CENPP: variants seen among roughly 807,000 people sequenced by gnomAD.
The protein encoded by CENPP is centromere protein P.
Under a neutral mutation model 35.6 loss-of-function variants are expected in CENPP, and 24 were observed. The ratio of observed to expected loss-of-function variants is 0.67; its 90% CI spans 0.49 to 0.95. The LOEUF is 0.95. Among genes scored for constraint, CENPP ranks in the 40% least tolerant of loss-of-function variants. CENPP has a pLI of 0.00. For missense variants in CENPP, 332 were observed against 345.3 expected, an observed-to-expected ratio of 0.96 and a Z score of 0.31; for synonymous variants, 120 against 125.5, an observed-to-expected ratio of 0.96 and a Z score of 0.29.
At chr9:92,574,524 A>G (rs1162255470) in intron 5 of CENPP, among the ~76,000 whole-genome samples, 1 of 152,254 alleles carries the variant, frequency 6.6e-6, no homozygotes, top group Non-Finnish European at 1.5e-5. Context: ...TTAACCAAGA[A>G]GGTGAAAGAT....
At chr9:92,564,799 TAA>T (rs1429354917) in intron 5 of CENPP, among the ~76,000 whole-genome samples, 3 of 152,326 alleles carry the variant, frequency 2.0e-5, no homozygotes, top group African/African-American at 7.2e-5. Context: ...AAGAGAATTT[TAA>T]AACTCTCCAA....
intron 5 of CENPP, among the ~76,000 whole-genome samples, chr9:92,444,777 C>T (rs955391993): frequency 2.8e-4 from 43 of 152,192 alleles, no homozygotes; most frequent in African/African-American, 8.0e-4. Context: ...GGGGAGAGGG[C>T]GTGTGCAAGC....
intron 5 of CENPP, chr9:92,482,338 T>C (rs1385965607): frequency 6.6e-6 from 1 of 152,172 alleles, no homozygotes; most frequent in Non-Finnish European, 1.5e-5. Flanking sequence ...TTATCCACCA[T>C]GTACTACTTA....
intron 5 of CENPP, among the ~76,000 whole-genome samples, chr9:92,445,539 A>G (rs1288659621): frequency 6.6e-6 from 1 of 152,064 alleles, no homozygotes; most frequent in Non-Finnish European, 1.5e-5. Context: ...AAATCAATGA[A>G]TTGTATACTT....
chr9:92,411,206 T>G (rs1047974519), intron 5 of CENPP, among the ~76,000 whole-genome samples: 2 of 152,170 alleles, frequency 1.3e-5, no homozygotes, highest in African/African-American at 4.8e-5. Context: ...TCTCCTGACC[T>G]CGTGATCTGC....
chr9:92,556,431 A>G (rs1564001873), intron 5 of CENPP, among the ~76,000 whole-genome samples: 1 of 152,034 alleles, frequency 6.6e-6, no homozygotes, highest in Non-Finnish European at 1.5e-5. Flanking sequence ...TGTAACAAGT[A>G]TGGAAATTCC....
chr9:92,496,051 G>A, intron 5 of CENPP: 1 of 1,063,858 alleles, frequency 9.4e-7, no homozygotes, highest in Non-Finnish European at 1.1e-6. Context: ...GTCTAGCTCA[G>A]TATGCATAAT....
chr9:92,421,506 C>T (rs1843793562), intron 5 of CENPP, among the ~76,000 whole-genome samples: 2 of 152,144 alleles, frequency 1.3e-5, no homozygotes, highest in South Asian at 2.1e-4. Flanking sequence ...GGTATCATAC[C>T]AAAGGGCAGT....
chr9:92,445,606 G>A lies in CENPP; in HGVS notation c.564+65747G>A, dbSNP rs761181959. Reference sequence around the variant, plus strand: ...TACCTCAATAAAGCTGTTATTGGCCGGGCGTGGTAGCTCACGCCTGTAATC... The same window carrying A: ...TACCTCAATAAAGCTGTTATTGGCCAGGCGTGGTAGCTCACGCCTGTAATC... On this transcript the variant is annotated intron_variant, in intron 5 of 7. Transcript: ENST00000375587. 5.3e-4 allele frequency among the ~76,000 whole-genome samples: 81 copies of A among 152,052 alleles called. 1 individual carries two copies. The highest frequency in any genetic ancestry group is 2.8e-4 in the Non-Finnish European group (19 of 68,004).
intron 5 of CENPP, chr9:92,522,641 T>C (rs1848149037): frequency 6.2e-7 from 1 of 1,613,956 alleles, no homozygotes; most frequent in Non-Finnish European, 8.5e-7. Context: ...TTTTCCTCCA[T>C]GCTATAATCA....
At chr9:92,469,286 A>C (rs909616046) in intron 5 of CENPP, among the ~76,000 whole-genome samples, 2 of 152,192 alleles carry the variant, frequency 1.3e-5, no homozygotes, top group East Asian at 1.9e-4. Context: ...AGCTGCCTGC[A>C]CACTTTGAAA....
Position 92,361,440 on chromosome 9 carries a change from CTTATTTTATTTTATTTTATTTTATT to C in CENPP, c.467+15686_467+15710del, listed in dbSNP as rs200322873. ...ACAGGCATGAGCCACCGTACCTGGC[CTTATTTTATTTTATTTTATTTTATT>C]TTATTTTATTTTATTTTATTTTATT... is the stretch of plus-strand genomic sequence containing the variant. On this transcript the variant is annotated intron_variant, in intron 4 of 7. Coordinates refer to ENST00000375587, the MANE Select transcript of CENPP (RefSeq NM_001012267.3). 2.4e-3 allele frequency among the ~76,000 whole-genome samples: 266 copies of C among 111,746 alleles called. 1 individual carries two copies. Among genetic ancestry groups the C allele is most frequent in the Middle Eastern group, 4.3e-3 (1 of 230 alleles). The allele number at this position is 111,746 out of a possible 152,430, so 73.3% of individuals were successfully genotyped here.
chr9:92,546,974 A>T (rs1849475912), intron 5 of CENPP, among the ~76,000 whole-genome samples: 1 of 152,172 alleles, frequency 6.6e-6, no homozygotes, highest in Admixed American at 6.6e-5. Flanking sequence ...ACTGACAGGG[A>T]CGTCAGAAGG....
chr9:92,579,559 A>C (rs1850367826), intron 5 of CENPP, among the ~76,000 whole-genome samples: 1 of 152,034 alleles, frequency 6.6e-6, no homozygotes, highest in African/African-American at 2.4e-5. Flanking sequence ...TTTTCTTTGA[A>C]GCAATTGTGA....
At chr9:92,423,803 C>G (rs565413252) in intron 5 of CENPP, among the ~76,000 whole-genome samples, 194 of 152,214 alleles carry the variant, frequency 1.3e-3, no homozygotes, top group Admixed American at 2.6e-3. Context: ...CATCAACCCC[C>G]CAACCGGAAT....
rs1851387065 is a variant in CENPP, at chr9:92,614,961, G to A, written c.*1812G>A. On this transcript the variant is annotated 3_prime_UTR_variant, in exon 8 of 8. Transcript: ENST00000375587. ...CCGAGGGAGGAACTTGGTCTGGGAG[G>A]AAGAGAGAACTCGCTCCTCAACCAC... 6.6e-6 allele frequency: 1 copy of A among 152,272 alleles called. No homozygotes were observed. The highest frequency in any genetic ancestry group is 1.5e-5 in the Non-Finnish European group (1 of 68,064). The allele number at this position is 152,272 out of a possible 1,614,324, so 9.4% of individuals were successfully genotyped here.
intron 5 of CENPP, among the ~76,000 whole-genome samples, chr9:92,535,200 A>T (rs917435114): frequency 6.6e-6 from 1 of 152,254 alleles, no homozygotes; most frequent in African/African-American, 2.4e-5. Flanking sequence ...ATCAGTATCT[A>T]AACAGTCTCA....
chr9:92,379,780 A>G lies in CENPP; in HGVS notation c.485A>G (p.Asp162Gly), dbSNP rs1467481210. The change falls in exon 5 of 8, where the codon GAT (aspartate) becomes GGT (glycine). Residue 162 changes from aspartate to glycine, a missense_variant. By Grantham distance (94) the Asp-to-Gly change is moderately conservative (BLOSUM62 -1). Coordinates refer to ENST00000375587, the MANE Select transcript of CENPP (RefSeq NM_001012267.3). The stretch of plus-strand genomic sequence containing the variant: ...TCCTACAGAGCAGAAGAGAGAAAAG[A>G]TCTGTTCATGTTTTTCCGAAGCCTG... ...EFVSRAEERKDLFMFFRSLHF... is the reference protein window; with the variant it reads ...EFVSRAEERKGLFMFFRSLHF... 1 of 1,611,248 alleles carries G rather than the reference A, an allele frequency of 6.2e-7. No homozygotes were observed. Among genetic ancestry groups the G allele is most frequent in the Admixed American group, 1.7e-5 (1 of 60,010 alleles).
At chr9:92,531,354 C>A (rs938153343) in intron 5 of CENPP, among the ~76,000 whole-genome samples, 2 of 152,140 alleles carry the variant, frequency 1.3e-5, no homozygotes, top group Non-Finnish European at 2.9e-5. Context: ...TCTTCCTGGA[C>A]AATACAAGAA....
Sources: gnomAD v4.1 joint callset for allele counts (sites outside exome capture counted in the v4.1 genomes callset) on GRCh38, gnomAD v4.1.1 for gene constraint, MANE v1.5 for transcripts, NCBI Gene and HGNC (gene_info 2026-07-23, HGNC 2026-07-21) for gene names.